Variants in EEA1 observed in about 807,000 individuals in gnomAD.
EEA1 encodes the protein early endosome antigen 1, 162kD.
Under a neutral mutation model 209.2 loss-of-function variants are expected in EEA1, and 111 were observed. The observed-to-expected ratio is 0.53, with a 90% confidence interval of 0.45 to 0.62. The LOEUF is 0.62. Among genes scored for constraint, EEA1 ranks in the 20% least tolerant of loss-of-function variants. The pLI is 0.00. For missense variants in EEA1, 1,343 were observed against 1,530.8 expected (o/e 0.88, Z 2.05); for synonymous variants, 536 against 540.6 (o/e 0.99, Z 0.12).
intron 10 of EEA1, among the ~76,000 whole-genome samples, chr12:92,834,966 G>T (rs1015809520): frequency 2.0e-5 from 3 of 151,002 alleles, no homozygotes; most frequent in African/African-American, 7.3e-5. Flanking sequence ...TCCAAGCTCC[G>T]CCTCTCGGGG....
Position 92,840,594 on chromosome 12 carries a change from G to A in EEA1, c.915+1871C>T, listed in dbSNP as rs866303351. On this transcript the variant is annotated intron_variant, in intron 10 of 28. Coordinates refer to ENST00000322349, the MANE Select transcript of EEA1 (RefSeq NM_003566.4). ...CCCAAAGTGCTGGGATTACAGGCGT[G>A]AGCCACCGCACCTGGCCAATGTTGC... 1.6e-4 allele frequency among the ~76,000 whole-genome samples: 24 copies of A among 152,322 alleles called. 1 individual carries two copies. Among genetic ancestry groups the A allele is most frequent in the Middle Eastern group, 3.4e-3 (1 of 294 alleles).
At position 92,826,326 on chromosome 12, in the gene EEA1, T is replaced by G. The variant is rs114358711; in HGVS notation, c.1405-41A>C. On this transcript the variant is annotated intron_variant, in intron 12 of 28. Transcript: ENST00000322349. ...ATTGTCAATTGAGAACTTAAAGGCA[T>G]AATGCTATCATTCATAAGTATCTGG... The G allele has an allele frequency of 1.6e-3, 2,516 of 1,569,166 alleles. 38 individuals carry two copies. In the African/African-American group the frequency reaches 0.027, roughly 17 times the overall value.
In EEA1 at chr12:92,876,830, CA is replaced by C. The variant is rs200862903; in HGVS notation, c.118-11844del. On this transcript the variant is annotated intron_variant, in intron 2 of 28. Transcript: ENST00000322349. The stretch of plus-strand genomic sequence containing the variant: ...TAGAGGTAAAAAGAAAGCTGATCAC[CA>C]AAAAAAAAAAAAAAAGATAAATAAA... 5.5e-3 allele frequency among the ~76,000 whole-genome samples: 598 copies of C among 108,316 alleles called. 3 individuals carry two copies. The highest frequency in any genetic ancestry group is 0.034 in the East Asian group (111 of 3,306). The allele number at this position is 108,316 out of a possible 152,430, so 71.1% of individuals were successfully genotyped here.
At chr12:92,801,135 G>A (rs886531411) in intron 20 of EEA1, among the ~76,000 whole-genome samples, 4 of 152,036 alleles carry the variant, frequency 2.6e-5, no homozygotes, top group African/African-American at 4.8e-5. Context: ...TATTTTGGTT[G>A]TTCTACAACC....
At chr12:92,899,198 A>G (rs1298215774) in intron 1 of EEA1, among the ~76,000 whole-genome samples, 4 of 152,050 alleles carry the variant, frequency 2.6e-5, no homozygotes, top group South Asian at 2.1e-4. Flanking sequence ...ACCAGGAGAC[A>G]GTACCCACTA....
intron 18 of EEA1, among the ~76,000 whole-genome samples, chr12:92,807,073 C>A (rs186775736): frequency 6.6e-6 from 1 of 152,044 alleles, no homozygotes; most frequent in African/African-American, 2.4e-5. Context: ...CATGCCTCAG[C>A]CTCCCGAGTA....
Position 92,771,965 on chromosome 12 carries a change from T to C in EEA1, c.*4046A>G, listed in dbSNP as rs1873447279. Reference sequence around the variant, plus strand: ...AGCTCACAAAGTAACATGTCTAATATACAATATATTAGATGTTTGAGGATA... The same window carrying C: ...AGCTCACAAAGTAACATGTCTAATACACAATATATTAGATGTTTGAGGATA... On this transcript the variant is annotated 3_prime_UTR_variant, in exon 29 of 29. Transcript: ENST00000322349. 6.6e-6 allele frequency: 1 copy of C among 151,964 alleles called. No individual in the cohort carries two copies. The highest frequency in any genetic ancestry group is 1.5e-5 in the Non-Finnish European group (1 of 67,890). The allele number at this position is 151,964 out of a possible 1,614,324, so 9.4% of individuals were successfully genotyped here. A position where few individuals can be genotyped will look rare whatever the true frequency, so the allele number is the denominator to read the frequency against.
rs1310151553 is a variant in EEA1, at chr12:92,780,313, T to C, written c.3435A>G (p.Glu1145=). The C allele has an allele frequency of 1.2e-6, 2 of 1,601,580 alleles. No homozygotes were observed. The highest frequency in any genetic ancestry group is 2.7e-5 in the African/African-American group (2 of 73,934). ...TTTCTAGTTTGTGGGACTTGAGTTC[T>C]TCGTTTAGTTTAGTGATTTCTTTTT... ...RQEKEITKLN[E]ELKSHKLESI... The change falls in exon 24 of 29, where the codon GAA becomes GAG. Residue 1145 remains glutamate, a synonymous_variant. Transcript: ENST00000322349.
At chr12:92,869,180 G>A (rs192226981) in intron 2 of EEA1, among the ~76,000 whole-genome samples, 2 of 152,222 alleles carry the variant, frequency 1.3e-5, no homozygotes, top group African/African-American at 4.8e-5. Flanking sequence ...TGTCCAAGGG[G>A]ATCGAGGTTG....
chr12:92,916,382 C>T (rs113720171), intron 1 of EEA1, among the ~76,000 whole-genome samples: 3,666 of 151,636 alleles, frequency 0.024, 166 homozygotes, highest in African/African-American at 0.083. Context: ...GGGCCGGGCG[C>T]GGTGGCTCAT....
chr12:92,858,247 G>A, intron 3 of EEA1: 2 of 727,482 alleles, frequency 2.7e-6, no homozygotes, highest in Non-Finnish European at 5.2e-6. Flanking sequence ...AAAGTAGCTT[G>A]TGAAACTGTT....
At chr12:92,816,480 G>T in intron 14 of EEA1, 80 bp from the exon 15 acceptor site, 1 of 1,297,696 alleles carries the variant, frequency 7.7e-7, no homozygotes. Context: ...AGAACCATGA[G>T]AATATTAAAG....
intron 2 of EEA1, among the ~76,000 whole-genome samples, chr12:92,888,097 A>C (rs1432664295): frequency 6.6e-6 from 1 of 152,152 alleles, no homozygotes; most frequent in Non-Finnish European, 1.5e-5. Context: ...CAACAGTAAC[A>C]ATGTGACCCA....
At chr12:92,860,679 C>T (rs575753715) in intron 3 of EEA1, among the ~76,000 whole-genome samples, 1 of 152,150 alleles carries the variant, frequency 6.6e-6, no homozygotes, top group East Asian at 1.9e-4. Context: ...GAAGGGAGGG[C>T]AGAGCTGGTG....
intron 1 of EEA1, among the ~76,000 whole-genome samples, chr12:92,907,756 T>C (rs762845897): frequency 6.6e-6 from 1 of 152,232 alleles, no homozygotes; most frequent in Non-Finnish European, 1.5e-5. Flanking sequence ...CCTCACTATG[T>C]TCTCCAGCTT....
rs944873766 is a variant in EEA1 at position 92,800,067 on chromosome 12, C to G, written c.2773-981G>C. Among the ~76,000 whole-genome samples the G allele has an allele frequency of 2.7e-5, 4 of 150,714 alleles. No individual in the cohort carries two copies. In the East Asian group the frequency reaches 7.9e-4, roughly 30 times the overall value. ...GTGAAGCCTGTCTCTACTAAAAATA[C>G]AAAAATTAGCCAGGCGTGGTGGCAG... On this transcript the variant is annotated intron_variant, in intron 20 of 28. Transcript: ENST00000322349.
At chr12:92,831,082 C>T (rs1299769971) in intron 11 of EEA1, among the ~76,000 whole-genome samples, 1 of 152,112 alleles carries the variant, frequency 6.6e-6, no homozygotes, top group Non-Finnish European at 1.5e-5. Context: ...ACTCTAATTT[C>T]TGAAACATAA....
chr12:92,852,213 T>C lies in EEA1; in HGVS notation c.604A>G (p.Lys202Glu), dbSNP rs768548872. Residue 202 changes from lysine (K) to glutamate (E), a missense_variant, in exon 8 of 29, where the codon AAA becomes GAA. Around this residue, in one of 3 missense-constraint regions of EEA1, gnomAD observed 1,307 missense variants for 1,465.5 expected, o/e 0.89. Coordinates refer to ENST00000322349, the MANE Select transcript of EEA1 (RefSeq NM_003566.4). ...AGATCTTGAATTACAGTTGCCTCTT[T>C]GTTTAATTCTTCTGTCAGACGTGTC... is the stretch of plus-strand genomic sequence containing the variant. The part of the protein sequence containing the change: ...KVTRLTEELN[K>E]EATVIQDLKT... The C allele has an allele frequency of 9.4e-6, 15 of 1,593,348 alleles. No individual in the cohort carries two copies. In the South Asian group the frequency reaches 1.6e-4, roughly 17 times the overall value.
chr12:92,779,033 A>G, intron 25 of EEA1, 82 bp downstream of exon 25: 1 of 1,237,812 alleles, frequency 8.1e-7, no homozygotes, highest in Non-Finnish European at 1.1e-6. Flanking sequence ...TTTCAATCAG[A>G]TCTTATAAGT....
Sources: gnomAD v4.1 joint callset for allele counts (sites outside exome capture counted in the v4.1 genomes callset) on GRCh38, gnomAD v4.1.1 for gene constraint, gnomAD v4.1.1 regional missense constraint, MANE v1.5 for transcripts, NCBI Gene and HGNC (gene_info 2026-07-23, HGNC 2026-07-21) for gene names.